GATA4: variants seen among roughly 807,000 people sequenced by gnomAD.
The protein encoded by GATA4 is GATA binding protein 4, also known as transcription factor GATA-4.
Under a neutral mutation model 37.9 loss-of-function variants are expected in GATA4, and 7 were observed. The observed-to-expected ratio is 0.18, with a 90% CI of 0.11 to 0.35. The LOEUF is 0.35. Ranked by LOEUF, GATA4 falls within the 10% of genes least tolerant of loss-of-function variation. The probability of loss-of-function intolerance (pLI) is 1.00; values close to 1 mark genes in which losing one functional copy is unlikely to be tolerated. For missense variants in GATA4, 647 were observed against 653.0 expected (o/e 0.99, Z 0.10); for synonymous variants, 372 against 292.6 (o/e 1.27, Z -2.77).
At chr8:11,729,413 C>A (rs1038995965) in intron 2 of GATA4, among the ~76,000 whole-genome samples, 1 of 151,734 alleles carries the variant, frequency 6.6e-6, no homozygotes, top group Admixed American at 6.6e-5. Flanking sequence ...ATTAAAAATA[C>A]AAAAAATTAG....
At position 11,692,858 on chromosome 8, in the gene GATA4, C is replaced by T. The variant is rs929669448; in HGVS notation, c.-729+198C>T. On this transcript the variant is annotated intron_variant, in intron 1 of 2. Coordinates refer to the GATA4 transcript ENST00000526974. Reference sequence around the variant, plus strand: ...GGGGCGGCCGGCCGGGGGCTGACCCCGAGCGCCGCCGAGTTTGCGCCGCCC... The same window carrying T: ...GGGGCGGCCGGCCGGGGGCTGACCCTGAGCGCCGCCGAGTTTGCGCCGCCC... 10 of 981,628 alleles carry T rather than the reference C, an allele frequency of 1.0e-5. No individual in the cohort carries two copies. The South Asian group carries it at 1.9e-4, about 18-fold the overall frequency. 60.8% of individuals were successfully genotyped at this position (981,628 alleles called of 1,614,324 possible).
At chr8:11,702,855 A>G (rs970085233), upstream of GATA4, among the ~76,000 whole-genome samples, 8 of 152,114 alleles carry the variant, frequency 5.3e-5, no homozygotes, top group African/African-American at 1.9e-4. This position sits in a 1 kb window ranked among gnomAD's most constrained non-coding sequence, Gnocchi z 4.4. Context: ...GAACCTCCGC[A>G]CCTCTCATTC....
At chr8:11,713,211 G>A (rs1008921523) in intron 2 of GATA4, among the ~76,000 whole-genome samples, 7 of 152,166 alleles carry the variant, frequency 4.6e-5, no homozygotes, top group Non-Finnish European at 8.8e-5. Context: ...AATAAGTGTG[G>A]CCTGACTGCA....
At chr8:11,736,427 G>C (rs1460413037) in intron 2 of GATA4, among the ~76,000 whole-genome samples, 1 of 152,216 alleles carries the variant, frequency 6.6e-6, no homozygotes, top group Non-Finnish European at 1.5e-5. Context: ...CTCTACTTGC[G>C]TCTGGAATTG....
At chr8:11,710,909 C>G (rs1800153745) in intron 2 of GATA4, among the ~76,000 whole-genome samples, 1 of 151,796 alleles carries the variant, frequency 6.6e-6, no homozygotes, top group South Asian at 2.1e-4. Context: ...ATCACAAGGT[C>G]AGGAGTTCCT....
At chr8:11,732,902 C>T (rs1242084894) in intron 2 of GATA4, among the ~76,000 whole-genome samples, 3 of 152,112 alleles carry the variant, frequency 2.0e-5, no homozygotes, top group Admixed American at 2.0e-4. Flanking sequence ...GGAAAGACTT[C>T]GAGAGCTGGT....
At chr8:11,692,928 C>A (rs1021374665) in intron 1 of GATA4, 17 of 984,612 alleles carry the variant, frequency 1.7e-5, no homozygotes, top group Non-Finnish European at 1.9e-5. Flanking sequence ...CCGCGGCGGC[C>A]GTCAGCGCGC....
Position 11,708,559 on chromosome 8 carries a change from C to A in GATA4, c.247C>A (p.Gln83Lys). ...CGCGTCTGGTGCGGGGCCCGGGACC[C>A]AGCAGGGCAGCCCGGGATGGAGCCA... ...GAASGAGPGT[Q>K]QGSPGWSQAG... is the part of the protein sequence containing the mutation. The change falls in exon 2 of 7, where the codon CAG (glutamine) becomes AAG (lysine). Residue 83 changes from glutamine (Q) to lysine (K), a missense_variant. This residue lies in a region of GATA4 where 379 missense variants were observed against 334.5 expected (regional missense o/e 1.13). Coordinates refer to ENST00000532059, the MANE Select transcript of GATA4 (RefSeq NM_001308093.3). This position sits in a 1 kb window ranked among gnomAD's most constrained non-coding sequence, Gnocchi z 6.7. The A allele has an allele frequency of 7.2e-7, 1 of 1,393,088 alleles. No individual in the cohort carries two copies. The highest frequency in any genetic ancestry group is 9.3e-7 in the Non-Finnish European group (1 of 1,080,572). The allele number at this position is 1,393,088 out of a possible 1,614,324, so 86.3% of individuals were successfully genotyped here.
chr8:11,716,615 C>T (rs1378019978), intron 2 of GATA4, among the ~76,000 whole-genome samples: 1 of 152,176 alleles, frequency 6.6e-6, no homozygotes, highest in Admixed American at 6.5e-5. Flanking sequence ...GGGCGGACAC[C>T]CCAGCCCCAC....
chr8:11,677,101 C>T (rs1162415609), intron 1 of GATA4: 1 of 152,582 alleles, frequency 6.6e-6, no homozygotes, highest in East Asian at 1.9e-4. Flanking sequence ...ACCCCTCTGC[C>T]GTGGGAGGCT....
At position 11,709,119 on chromosome 8, in the gene GATA4, C is replaced by T. The variant is rs892223601; in HGVS notation, c.616+191C>T. On this transcript the variant is annotated intron_variant, in intron 2 of 6. Transcript: ENST00000532059. This position sits in a 1 kb window ranked among gnomAD's most constrained non-coding sequence, Gnocchi z 4.3. ...CATCACAGCCCCAGAAGACCGGCTT[C>T]TGTGGAAGGGGCCGGGCCTGCCCGC... Among the ~76,000 whole-genome samples, 1 of 152,148 alleles carries T rather than the reference C, an allele frequency of 6.6e-6. No homozygotes were observed. Among genetic ancestry groups the T allele is most frequent in the East Asian group, 1.9e-4 (1 of 5,164 alleles).
chr8:11,752,673 G>A (rs904529868), intron 4 of GATA4, among the ~76,000 whole-genome samples: 5 of 152,208 alleles, frequency 3.3e-5, no homozygotes, highest in Admixed American at 6.5e-5. Flanking sequence ...TTTTTTAAAT[G>A]TAAGAATATA....
At chr8:11,755,281 G>A in intron 5 of GATA4, 148 bp downstream of exon 5, 1 of 674,526 alleles carries the variant, frequency 1.5e-6, no homozygotes, top group Non-Finnish European at 2.6e-6. Context: ...AGGACAGGAT[G>A]AAGAGCCCAG....
intron 2 of GATA4, among the ~76,000 whole-genome samples, chr8:11,727,497 G>T (rs959043069): frequency 6.6e-6 from 1 of 152,166 alleles, no homozygotes; most frequent in African/African-American, 2.4e-5. Flanking sequence ...ATAAGGAGAG[G>T]CACTAGAGTC....
intron 2 of GATA4, among the ~76,000 whole-genome samples, chr8:11,748,585 C>T (rs1281244769): frequency 2.6e-5 from 4 of 152,088 alleles, no homozygotes; most frequent in Admixed American, 6.6e-5. Flanking sequence ...GCAAGGTTTG[C>T]GTGGACCTCA....
intron 2 of GATA4, among the ~76,000 whole-genome samples, chr8:11,731,473 C>A (rs1801205425): frequency 6.6e-6 from 1 of 152,200 alleles, no homozygotes; most frequent in African/African-American, 2.4e-5. Flanking sequence ...ACAAGCCAGT[C>A]ACCAAAGGAC....
chr8:11,724,074 G>A (rs925923939), intron 2 of GATA4, among the ~76,000 whole-genome samples: 6 of 152,070 alleles, frequency 3.9e-5, no homozygotes, highest in East Asian at 1.9e-4. Flanking sequence ...CTCTTGTGAC[G>A]GGCTCGTTTC....
intron 2 of GATA4, among the ~76,000 whole-genome samples, chr8:11,729,581 C>T (rs143493053): frequency 1.9e-4 from 29 of 151,166 alleles, no homozygotes; most frequent in African/African-American, 6.8e-4. Flanking sequence ...GCAGAAGCTA[C>T]TTAGGTTGAA....
chr8:11,736,111 A>G lies in GATA4; in HGVS notation c.617-12805A>G, dbSNP rs538507057. On this transcript the variant is annotated intron_variant, in intron 2 of 6. Coordinates refer to ENST00000532059, the MANE Select transcript of GATA4 (RefSeq NM_001308093.3). ...TTTATTTAAGAGATGTGGTGTTACTATGTTGCCCAGGCTGGTATTGAACTC... is the reference window on the plus strand; with the variant it reads ...TTTATTTAAGAGATGTGGTGTTACTGTGTTGCCCAGGCTGGTATTGAACTC... Among the ~76,000 whole-genome samples, 11 of 151,346 alleles carry G rather than the reference A, an allele frequency of 7.3e-5. No homozygotes were observed. The East Asian group carries it at 2.2e-3, about 30-fold the overall frequency.
Sources: gnomAD v4.1 joint callset for allele counts (sites outside exome capture counted in the v4.1 genomes callset) on GRCh38, gnomAD v4.1.1 for gene constraint, gnomAD v4.1.1 regional missense constraint, Gnocchi (gnomAD v3.1) non-coding constraint, MANE v1.5 for transcripts, NCBI Gene and HGNC (gene_info 2026-07-23, HGNC 2026-07-21) for gene names.